ADGRL2: variants seen among roughly 807,000 people sequenced by gnomAD.
ADGRL2 encodes calcium-independent alpha-latrotoxin receptor 2.
In ADGRL2, 44 loss-of-function variants were observed where a neutral mutation model predicts 157.4. The ratio of observed to expected loss-of-function variants is 0.28; its 90% CI spans 0.22 to 0.36. The LOEUF (loss-of-function observed/expected upper bound fraction) is 0.36, where lower values mean the gene tolerates loss of function less well. ADGRL2 is among the 10% of genes least tolerant of loss of function. The pLI, the probability that ADGRL2 is intolerant of heterozygous loss-of-function variation, is 1.00. For synonymous variants in ADGRL2, 585 were observed against 624.7 expected, an observed-to-expected ratio of 0.94 and a Z score of 0.95; for missense variants, 1,510 against 1,768.9, an observed-to-expected ratio of 0.85 and a Z score of 2.63.
At position 81,788,316 on chromosome 1, in the gene ADGRL2, A is replaced by T. The variant is rs539981857; in HGVS notation, c.-101+26464A>T. On this transcript the variant is annotated intron_variant, in intron 2 of 20. Coordinates refer to the ADGRL2 transcript ENST00000359929. ...TTTGGGTCATGGGGGAGGATCCCTC[A>T]TATATGGCTTGGGGTCCTCCCCACA... 1.8e-3 allele frequency among the ~76,000 whole-genome samples: 280 copies of T among 152,304 alleles called. 1 individual carries two copies. Among genetic ancestry groups the T allele is most frequent in the Non-Finnish European group, 3.2e-3 (219 of 68,030 alleles).
At chr1:81,982,155 C>T (rs1473164890) in intron 19 of ADGRL2, among the ~76,000 whole-genome samples, 179 bp downstream of exon 19, 1 of 151,642 alleles carries the variant, frequency 6.6e-6, no homozygotes, top group East Asian at 1.9e-4. Flanking sequence ...AAAATAATAC[C>T]AGTCATCTTT....
At chr1:81,885,777 C>G (rs2094114643) in intron 2 of ADGRL2, among the ~76,000 whole-genome samples, 1 of 152,174 alleles carries the variant, frequency 6.6e-6, no homozygotes, top group African/African-American at 2.4e-5. Context: ...TTGAAAATCT[C>G]ACTCTGATTT....
Position 81,604,206 on chromosome 1 carries a change from C to T in ADGRL2, c.-143+23226C>T, listed in dbSNP as rs554057935. On this transcript the variant is annotated intron_variant, in intron 3 of 24. Transcript: ENST00000370721. Reference sequence around the variant, plus strand: ...TTTCGAACGCCTGACCTCAAGTGATCTGCCCACTTTGGCCTCCCAAAGTGC... The same window carrying T: ...TTTCGAACGCCTGACCTCAAGTGATTTGCCCACTTTGGCCTCCCAAAGTGC... Among the ~76,000 whole-genome samples the T allele has an allele frequency of 1.1e-3, 170 of 152,160 alleles. 2 individuals are homozygous for T. The highest frequency in any genetic ancestry group is 2.0e-3 in the Non-Finnish European group (135 of 68,026).
At chr1:81,972,246 T>A (rs1225296354) in intron 17 of ADGRL2, among the ~76,000 whole-genome samples, 1 of 152,130 alleles carries the variant, frequency 6.6e-6, no homozygotes, top group Non-Finnish European at 1.5e-5. Context: ...TACCTTAATT[T>A]TTATTATCTT....
chr1:81,873,898 G>C (rs2093761938), intron 2 of ADGRL2, among the ~76,000 whole-genome samples: 1 of 152,038 alleles, frequency 6.6e-6, no homozygotes, highest in Non-Finnish European at 1.5e-5. Flanking sequence ...TATTCCTTCT[G>C]ATGGTTGAAA....
At chr1:81,378,040 G>A (rs1023879212) in intron 1 of ADGRL2, among the ~76,000 whole-genome samples, 11 of 152,148 alleles carry the variant, frequency 7.2e-5, no homozygotes, top group East Asian at 3.9e-4. Context: ...TTAGCTGGGC[G>A]TGGTGGTGCA....
At chr1:81,772,214 C>A (rs2086401829) in intron 2 of ADGRL2, among the ~76,000 whole-genome samples, 2 of 146,734 alleles carry the variant, frequency 1.4e-5, no homozygotes, top group South Asian at 4.3e-4. Context: ...CGTGCCACTG[C>A]ACTCCAGCCT....
intron 3 of ADGRL2, among the ~76,000 whole-genome samples, chr1:81,634,516 T>TTTTTTTTG (rs2082077612): frequency 6.8e-6 from 1 of 147,860 alleles, no homozygotes. Flanking sequence ...TATCTTGTTT[T>TTTTTTTTG]TTTTTTTTTG....
intron 3 of ADGRL2, among the ~76,000 whole-genome samples, chr1:81,686,794 C>T (rs887824039): frequency 2.6e-5 from 4 of 152,158 alleles, no homozygotes; most frequent in Non-Finnish European, 5.9e-5. Flanking sequence ...TTCCTCTTAG[C>T]ACTGCCTTAG....
chr1:81,412,493 A>G (rs1004829210), intron 1 of ADGRL2, among the ~76,000 whole-genome samples: 4 of 152,160 alleles, frequency 2.6e-5, no homozygotes, highest in Admixed American at 6.5e-5. Context: ...AAGCCTTTCT[A>G]TCTTCATAGT....
chr1:81,521,882 T>C (rs530918958), intron 2 of ADGRL2, among the ~76,000 whole-genome samples: 1 of 152,270 alleles, frequency 6.6e-6, no homozygotes, highest in East Asian at 1.9e-4. Flanking sequence ...CTCTGTCTGC[T>C]ATGGGCAGTA....
At chr1:81,753,139 G>A (rs1452762829) in intron 1 of ADGRL2, among the ~76,000 whole-genome samples, 2 of 152,114 alleles carry the variant, frequency 1.3e-5, no homozygotes, top group Admixed American at 6.6e-5. Context: ...CCAATTTCAT[G>A]CTGCTGATAA....
chr1:81,792,279 T>G (rs957853929), intron 2 of ADGRL2, among the ~76,000 whole-genome samples: 1 of 152,174 alleles, frequency 6.6e-6, no homozygotes, highest in African/African-American at 2.4e-5. Flanking sequence ...TTGTGCCAAA[T>G]GTAGCACAAA....
chr1:81,785,171 T>G (rs1261682977), intron 2 of ADGRL2, among the ~76,000 whole-genome samples: 1 of 152,200 alleles, frequency 6.6e-6, no homozygotes, highest in East Asian at 1.9e-4. Flanking sequence ...AGATATTTGT[T>G]TTACTAAAGT....
chr1:81,492,974 T>TA (rs1280469031), intron 2 of ADGRL2, among the ~76,000 whole-genome samples: 1 of 152,224 alleles, frequency 6.6e-6, no homozygotes, highest in African/African-American at 2.4e-5. Context: ...TAATGTGTAA[T>TA]ATGTATTTTT....
intron 3 of ADGRL2, 23 bp downstream of exon 3, chr1:81,907,253 C>G (rs775251621): frequency 6.4e-7 from 1 of 1,574,648 alleles, no homozygotes; most frequent in South Asian, 1.1e-5. Flanking sequence ...GTGTTAATGT[C>G]CCATTTGAGC....
At chr1:81,445,213 A>G (rs2077577257) in intron 2 of ADGRL2, 1 of 152,226 alleles carries the variant, frequency 6.6e-6, no homozygotes. Flanking sequence ...ATGATCTTTT[A>G]TTAAATGTAG....
chr1:81,649,497 A>G (rs2148831813), intron 3 of ADGRL2, among the ~76,000 whole-genome samples: 1 of 152,290 alleles, frequency 6.6e-6, no homozygotes, highest in South Asian at 2.1e-4. Flanking sequence ...TCCCAACACC[A>G]GTCCTGACTA....
intron 3 of ADGRL2, among the ~76,000 whole-genome samples, chr1:81,624,478 A>C (rs1285612705): frequency 2.0e-5 from 3 of 152,164 alleles, no homozygotes; most frequent in Middle Eastern, 3.4e-3. Context: ...CTACCCTCGG[A>C]GGCTGAGGCA....
Sources: gnomAD v4.1 joint callset for allele counts (sites outside exome capture counted in the v4.1 genomes callset) on GRCh38, gnomAD v4.1.1 for gene constraint, MANE v1.5 for transcripts, NCBI Gene and HGNC (gene_info 2026-07-23, HGNC 2026-07-21) for gene names.